The following ZNF90 variants were observed in gnomAD, a reference collection of about 807,000 sequenced individuals.
ZNF90 encodes the protein zinc finger protein 90.
ZNF90 carries 11 observed loss-of-function variants against 12.0 expected under a neutral mutation model. That is an observed-to-expected ratio of 0.92 (90% CI 0.58 to 1.52). The LOEUF (loss-of-function observed/expected upper bound fraction) is 1.52, where lower values mean the gene tolerates loss of function less well. ZNF90 is among the 40% of genes most tolerant of loss of function. The pLI is 0.00. For synonymous variants in ZNF90, 232 were observed against 240.1 expected (o/e 0.97, Z 0.31); for missense variants, 765 against 711.5 (o/e 1.08, Z -0.86).
intron 1 of ZNF90, among the ~76,000 whole-genome samples, chr19:20,090,157 G>C (rs1213558822): frequency 6.6e-6 from 1 of 152,158 alleles, no homozygotes; most frequent in East Asian, 1.9e-4. Flanking sequence ...GTGTAAACAA[G>C]AGTAGGGCAT....
At chr19:20,079,778 T>G in intron 1 of ZNF90, 1 of 220,018 alleles carries the variant, frequency 4.5e-6, no homozygotes, top group Non-Finnish European at 9.6e-6. Flanking sequence ...GAGAAATATT[T>G]TGTTTTAGGC....
In ZNF90 at chr19:20,087,880, A is replaced by G. The variant is rs10404281; in HGVS notation, c.3+9745A>G. 7.1e-3 allele frequency among the ~76,000 whole-genome samples: 1,082 copies of G among 152,132 alleles called. 7 individuals carry two copies. Among genetic ancestry groups the G allele is most frequent in the African/African-American group, 0.025 (1,019 of 41,482 alleles). On this transcript the variant is annotated intron_variant, in intron 1 of 3. Transcript: ENST00000418063. Reference sequence around the variant, plus strand: ...GGGGTTTGTTCTCTGGTGGACAGGAATGGGGGTCGCAAGGTGCTCAGTGGG... The same window carrying G: ...GGGGTTTGTTCTCTGGTGGACAGGAGTGGGGGTCGCAAGGTGCTCAGTGGG...
intron 3 of ZNF90, among the ~76,000 whole-genome samples, chr19:20,117,382 C>G (rs1360584481): frequency 3.2e-5 from 4 of 126,398 alleles, no homozygotes; most frequent in Non-Finnish European, 4.8e-5. Context: ...TTTTTCCTTT[C>G]TTTTCTTTTC....
At position 20,118,642 on chromosome 19, in the gene ZNF90, A is replaced by G. The variant is rs781808679; in HGVS notation, c.1088A>G (p.His363Arg). 2 of 1,568,910 alleles carry G rather than the reference A, an allele frequency of 1.3e-6. No homozygotes were observed. The highest frequency in any genetic ancestry group is 1.7e-6 in the Non-Finnish European group (2 of 1,157,810). ...GTCCTTCGTACACATAAGAGAATTCATACTGGAGAGAAACCCTACAAGTGT... is the reference window on the plus strand; with the variant it reads ...GTCCTTCGTACACATAAGAGAATTCGTACTGGAGAGAAACCCTACAAGTGT... ...SLVLRTHKRI[H>R]TGEKPYKCDK... Residue 363 changes from histidine (H) to arginine (R), a missense_variant, in exon 4 of 4, where the codon CAT becomes CGT. By Grantham distance (29) the His-to-Arg change is conservative (BLOSUM62 0). Transcript: ENST00000418063.
intron 3 of ZNF90, among the ~76,000 whole-genome samples, chr19:20,117,044 T>A (rs546695862): frequency 2.5e-3 from 358 of 145,638 alleles, no homozygotes; most frequent in East Asian, 4.0e-3. Flanking sequence ...TGTGTGTGTG[T>A]GTGAGAGAGA....
chr19:20,099,897 A>G (rs1222342697), intron 1 of ZNF90, among the ~76,000 whole-genome samples: 2 of 152,230 alleles, frequency 1.3e-5, no homozygotes, highest in Non-Finnish European at 2.9e-5. Context: ...CACCTATCAA[A>G]CATCAGGAAG....
intron 3 of ZNF90, chr19:20,106,805 G>A: frequency 2.3e-6 from 1 of 438,636 alleles, no homozygotes; most frequent in Non-Finnish European, 4.6e-6. Flanking sequence ...TGGGCCCTTA[G>A]TGTGATGAGA....
intron 3 of ZNF90, chr19:20,106,882 G>T: frequency 2.2e-6 from 1 of 454,554 alleles, no homozygotes; most frequent in South Asian, 1.6e-5. Flanking sequence ...CTGCACTAGG[G>T]TCCACCTTTA....
chr19:20,115,705 T>A (rs2089131325), intron 3 of ZNF90, among the ~76,000 whole-genome samples: 1 of 152,096 alleles, frequency 6.6e-6, no homozygotes, highest in Non-Finnish European at 1.5e-5. Context: ...TCAGCTTTTT[T>A]ATGTTTACAT....
At chr19:20,082,821 A>G (rs979996506) in intron 1 of ZNF90, among the ~76,000 whole-genome samples, 8 of 152,296 alleles carry the variant, frequency 5.3e-5, no homozygotes, top group Admixed American at 3.9e-4. Context: ...AGATAAGAGG[A>G]AGGCATCTGT....
rs781957491 is a variant in ZNF90, at chr19:20,118,011, GTC to G, written c.462_463del (p.His155TyrfsTer9). On this transcript the variant is annotated frameshift_variant, in exon 4 of 4. Coordinates refer to ENST00000418063, the MANE Select transcript of ZNF90 (RefSeq NM_007138.2). LOFTEE classifies it low-confidence loss of function (END_TRUNC). ...ATTTCAATGTGATACATATGTGAAA[GTC>G]TCTCATATATTTTCAAATTCAAACA... ...KVFQCDTYVK[V>X]SHIFSNSNRH... is the part of the protein sequence containing the mutation. 8.5e-5 allele frequency: 137 copies of G among 1,612,316 alleles called. No homozygotes were observed. Among genetic ancestry groups the G allele is most frequent in the African/African-American group, 2.7e-5 (2 of 74,864 alleles).
chr19:20,109,840 C>T (rs1469598559), intron 3 of ZNF90, among the ~76,000 whole-genome samples: 1 of 150,764 alleles, frequency 6.6e-6, no homozygotes, highest in Non-Finnish European at 1.5e-5. Flanking sequence ...GACTCTGTCT[C>T]CAAAAAAAAA....
At chr19:20,089,014 G>A (rs1470560361) in intron 1 of ZNF90, among the ~76,000 whole-genome samples, 1 of 152,170 alleles carries the variant, frequency 6.6e-6, no homozygotes, top group Non-Finnish European at 1.5e-5. Context: ...GTAGACACAT[G>A]TAGGTAGAGG....
At chr19:20,102,581 G>A (rs985464024) in intron 1 of ZNF90, among the ~76,000 whole-genome samples, 7 of 152,144 alleles carry the variant, frequency 4.6e-5, no homozygotes, top group Non-Finnish European at 5.9e-5. Flanking sequence ...TTGCTGAGAT[G>A]TTCTCTTTTT....
intron 1 of ZNF90, among the ~76,000 whole-genome samples, chr19:20,095,352 A>G (rs1039958725): frequency 6.6e-6 from 1 of 152,126 alleles, no homozygotes; most frequent in African/African-American, 2.4e-5. Context: ...ATTGGGGCCA[A>G]GCAGTGTTGC....
intron 1 of ZNF90, chr19:20,080,246 T>G: frequency 1.7e-6 from 1 of 583,130 alleles, no homozygotes; most frequent in South Asian, 1.4e-5. Context: ...ACGATGCAAT[T>G]CTTCACCAGG....
At chr19:20,097,518 CG>C (rs2088957979) in intron 1 of ZNF90, among the ~76,000 whole-genome samples, 2 of 152,194 alleles carry the variant, frequency 1.3e-5, no homozygotes, top group Admixed American at 6.5e-5. Context: ...AGACCTGAAA[CG>C]GATTCAGAGA....
intron 1 of ZNF90, chr19:20,079,926 T>A: frequency 2.4e-6 from 1 of 412,914 alleles, no homozygotes. Context: ...TTTCCTTTCA[T>A]CGTATTTCCT....
intron 1 of ZNF90, among the ~76,000 whole-genome samples, chr19:20,096,357 G>A (rs2088945572): frequency 2.6e-5 from 4 of 152,192 alleles, no homozygotes; most frequent in Non-Finnish European, 5.9e-5. Context: ...CGTGTGAAGA[G>A]ACCACCAAAC....
Sources: allele counts gnomAD v4.1 joint callset (sites outside exome capture counted in the v4.1 genomes callset), GRCh38; gene constraint gnomAD v4.1.1; transcripts MANE v1.5; gene names NCBI Gene and HGNC (gene_info 2026-07-23, HGNC 2026-07-21).